The following FRMD4B variants were observed in gnomAD, a reference collection of about 807,000 sequenced individuals.
FRMD4B encodes the protein FERM domain-containing protein 4B.
In FRMD4B, 74 loss-of-function variants were observed where a neutral mutation model predicts 141.5. The ratio of observed to expected loss-of-function variants is 0.52; its 90% CI spans 0.43 to 0.63. FRMD4B has a LOEUF of 0.63. Among genes scored for constraint, FRMD4B ranks in the 30% least tolerant of loss-of-function variants. The probability of loss-of-function intolerance (pLI) is 0.00; values close to 1 mark genes in which losing one functional copy is unlikely to be tolerated. For missense variants in FRMD4B, 1,366 were observed against 1,253.4 expected, an observed-to-expected ratio of 1.09 and a Z score of -1.36; for synonymous variants, 506 against 467.9, an observed-to-expected ratio of 1.08 and a Z score of -1.05.
chr3:69,494,172 A>G (rs1375012704), intron 1 of FRMD4B, among the ~76,000 whole-genome samples: 1 of 152,202 alleles, frequency 6.6e-6, no homozygotes, highest in Admixed American at 6.5e-5. Flanking sequence ...GAGCCACAGC[A>G]CCCAACCATG....
At chr3:69,438,179 C>T in intron 1 of FRMD4B, among the ~76,000 whole-genome samples, 2 of 151,284 alleles carry the variant, frequency 1.3e-5, no homozygotes. Context: ...TTGTGGCTCA[C>T]TGCAGCCTCG....
intron 1 of FRMD4B, among the ~76,000 whole-genome samples, chr3:69,495,646 G>A (rs1391775): frequency 0.043 from 6,561 of 152,200 alleles, 454 homozygotes; most frequent in African/African-American, 0.15. Flanking sequence ...TCTGTAAAAT[G>A]GGCATAATTA....
At chr3:69,209,101 G>A (rs1361475894) in intron 11 of FRMD4B, among the ~76,000 whole-genome samples, 6 of 150,044 alleles carry the variant, frequency 4.0e-5, no homozygotes, top group Non-Finnish European at 8.9e-5. Flanking sequence ...CCAAGATCAC[G>A]CCACTGCACT....
At chr3:69,224,548 C>T in intron 8 of FRMD4B, 59 bp downstream of exon 8, 1 of 776,434 alleles carries the variant, frequency 1.3e-6, no homozygotes, top group Non-Finnish European at 2.3e-6. Flanking sequence ...CCCTGAAAAG[C>T]ATGTAGTTCT....
chr3:69,387,559 C>G (rs1704289545), upstream of FRMD4B, among the ~76,000 whole-genome samples: 5 of 152,260 alleles, frequency 3.3e-5, no homozygotes, highest in South Asian at 1.0e-3. Flanking sequence ...GTTATCTATG[C>G]TATTAAGTGG....
At chr3:69,259,919 G>A (rs539266272) in intron 5 of FRMD4B, among the ~76,000 whole-genome samples, 1 of 152,208 alleles carries the variant, frequency 6.6e-6, no homozygotes, top group Non-Finnish European at 1.5e-5. Context: ...AGCCTCCTGA[G>A]TAGGTGGGAC....
intron 2 of FRMD4B, among the ~76,000 whole-genome samples, chr3:69,420,550 A>C (rs1005044019): frequency 2.6e-5 from 4 of 151,882 alleles, no homozygotes; most frequent in African/African-American, 9.7e-5. Context: ...ACTATGCTAA[A>C]CCCCCTATTT....
chr3:69,196,783 C>A, intron 13 of FRMD4B, 117 bp downstream of exon 13: 2 of 750,740 alleles, frequency 2.7e-6, no homozygotes, highest in Non-Finnish European at 2.1e-6. Flanking sequence ...AAGTTAAACG[C>A]AAAAAAATCT....
chr3:69,473,899 T>C (rs1016933623), intron 1 of FRMD4B, among the ~76,000 whole-genome samples: 5 of 152,162 alleles, frequency 3.3e-5, no homozygotes, highest in African/African-American at 1.2e-4. Context: ...ACAAATGTTA[T>C]TGATCTTTCA....
intron 2 of FRMD4B, among the ~76,000 whole-genome samples, chr3:69,431,417 TA>T (rs781732891): frequency 5.3e-5 from 8 of 152,190 alleles, no homozygotes; most frequent in Non-Finnish European, 1.0e-4. Context: ...AAAGAACTGA[TA>T]TCTTCCACTT....
intron 1 of FRMD4B, among the ~76,000 whole-genome samples, chr3:69,337,614 AAAAC>A (rs1553726035): frequency 6.6e-6 from 1 of 152,220 alleles, no homozygotes; most frequent in Non-Finnish European, 1.5e-5. Flanking sequence ...TTACAAGAAA[AAAAC>A]AAACAACCCC....
intron 7 of FRMD4B, among the ~76,000 whole-genome samples, chr3:69,244,134 G>A (rs899278774): frequency 3.3e-5 from 5 of 152,190 alleles, no homozygotes; most frequent in Non-Finnish European, 5.9e-5. Flanking sequence ...CAGGCTGAGT[G>A]GGAAGGAATG....
chr3:69,181,654 G>T lies in FRMD4B; in HGVS notation c.2096C>A (p.Ser699Tyr), dbSNP rs762786190. The T allele has an allele frequency of 6.2e-7, 1 of 1,613,538 alleles. No homozygotes were observed. Among genetic ancestry groups the T allele is most frequent in the Non-Finnish European group, 8.5e-7 (1 of 1,179,534 alleles). Residue 699 changes from serine to tyrosine, a missense_variant, in exon 21 of 23, where the codon TCC becomes TAC. Transcript: ENST00000398540. Reference sequence around the variant, plus strand: ...GCTGTCCATCTCGGAGAGCAGGTGGGACTGGGACTCCAGGCTTCCACTCCG... The same window carrying T: ...GCTGTCCATCTCGGAGAGCAGGTGGTACTGGGACTCCAGGCTTCCACTCCG... ...RQRSGSLESQ[S>Y]HLLSEMDSDK...
intron 1 of FRMD4B, among the ~76,000 whole-genome samples, chr3:69,336,277 G>C (rs147213289): frequency 7.9e-5 from 12 of 152,298 alleles, no homozygotes; most frequent in African/African-American, 2.6e-4. Flanking sequence ...GCATCAACTG[G>C]AGCCTGTTAG....
At chr3:69,505,655 C>G (rs565125298) in intron 1 of FRMD4B, among the ~76,000 whole-genome samples, 34 of 152,214 alleles carry the variant, frequency 2.2e-4, no homozygotes, top group African/African-American at 8.2e-4. Context: ...ACCTAAGAAG[C>G]CAAGTATCAT....
In FRMD4B at chr3:69,171,921, C is replaced by T. The variant is rs2092591551; in HGVS notation, c.3045G>A (p.Leu1015=). Residue 1015 remains leucine (L), a synonymous_variant, in exon 23 of 23, where the codon CTG becomes CTA. Transcript: ENST00000398540. ...AAAAGAGTCTCTGCTCACTACTCTC[C>T]AGGTTGTCTTCCAGCTGGTTTCCAT... is the stretch of plus-strand genomic sequence containing the variant. ...GTDGNQLEDN[L]ESSEQRLFWH... 1 of 1,613,074 alleles carries T rather than the reference C, an allele frequency of 6.2e-7. No individual in the cohort carries two copies. The highest frequency in any genetic ancestry group is 1.6e-4 in the Middle Eastern group (1 of 6,062).
Position 69,180,623 on chromosome 3 carries a change from A to C in FRMD4B, c.2851+276T>G, listed in dbSNP as rs186456674. Among the ~76,000 whole-genome samples, 114 of 152,108 alleles carry C rather than the reference A, an allele frequency of 7.5e-4. 1 individual carries two copies. The highest frequency in any genetic ancestry group is 6.5e-4 in the Admixed American group (10 of 15,268). On this transcript the variant is annotated intron_variant, in intron 21 of 22. Transcript: ENST00000398540. ...AACAAAAAACAAAAAACAAAAAAAA[A>C]CCCTAAAACAGGGCAGCACAGAGAG...
chr3:69,487,909 T>C (rs1263017230), intron 1 of FRMD4B, among the ~76,000 whole-genome samples: 1 of 152,224 alleles, frequency 6.6e-6, no homozygotes, highest in East Asian at 1.9e-4. Context: ...GAATTTGTGA[T>C]TGATCTCAAA....
chr3:69,353,227 C>G (rs1276837032), intron 1 of FRMD4B, among the ~76,000 whole-genome samples: 1 of 152,004 alleles, frequency 6.6e-6, no homozygotes, highest in Non-Finnish European at 1.5e-5. Flanking sequence ...TTTAAAGGAG[C>G]AAAGATAGCA....
Sources: allele counts gnomAD v4.1 joint callset (sites outside exome capture counted in the v4.1 genomes callset), GRCh38; gene constraint gnomAD v4.1.1; transcripts MANE v1.5; gene names NCBI Gene and HGNC (gene_info 2026-07-23, HGNC 2026-07-21).